The following EYS variants were observed in gnomAD, a reference collection of about 807,000 sequenced individuals.
EYS encodes EGF-like photoreceptor maintenance factor.
In EYS, 250 loss-of-function variants were observed where a neutral mutation model predicts 282.1. The observed-to-expected ratio is 0.89, with a 90% CI of 0.80 to 0.98. The LOEUF (loss-of-function observed/expected upper bound fraction) is 0.98. EYS is among the 50% of genes least tolerant of loss of function. The pLI is 0.00. For missense variants in EYS, 4,016 were observed against 3,709.0 expected, an observed-to-expected ratio of 1.08 and a Z score of -2.15; for synonymous variants, 1,355 against 1,282.9, an observed-to-expected ratio of 1.06 and a Z score of -1.20.
rs201208320 is a variant in EYS at position 64,000,967 on chromosome 6, C to CA, written c.6726-1785dup. 3.4e-4 allele frequency among the ~76,000 whole-genome samples: 52 copies of CA among 151,796 alleles called. 1 individual carries two copies. In the East Asian group the frequency reaches 9.3e-3, roughly 27 times the overall value. On this transcript the variant is annotated intron_variant, in intron 33 of 42. Transcript: ENST00000503581. ...TCCTGCCAAATTGTGTCATAAGAAA[C>CA]AAAAAAAACTCTATAAACAAATGAG... is the stretch of plus-strand genomic sequence containing the variant.
intron 26 of EYS, among the ~76,000 whole-genome samples, chr6:64,463,231 G>T (rs577001621): frequency 6.6e-6 from 1 of 152,092 alleles, no homozygotes; most frequent in East Asian, 1.9e-4. Flanking sequence ...GATTACAGGC[G>T]TGAGCCACTG....
intron 12 of EYS, among the ~76,000 whole-genome samples, chr6:65,202,907 C>G (rs1318784293): frequency 6.6e-6 from 1 of 152,150 alleles, no homozygotes; most frequent in African/African-American, 2.4e-5. Flanking sequence ...GGAGGGTCGT[C>G]CATGAGGCCT....
chr6:65,660,478 A>T (rs1048923119), intron 1 of EYS, among the ~76,000 whole-genome samples: 2 of 151,768 alleles, frequency 1.3e-5, no homozygotes, highest in Non-Finnish European at 3.0e-5. Context: ...TTAATGTTTA[A>T]TTTATATAAC....
At chr6:64,246,935 T>TA (rs1767042304) in intron 30 of EYS, among the ~76,000 whole-genome samples, 2 of 152,206 alleles carry the variant, frequency 1.3e-5, no homozygotes, top group Non-Finnish European at 2.9e-5. Flanking sequence ...TGACTAATGC[T>TA]ATATTTTTAC....
chr6:64,518,615 T>G (rs558157897), intron 26 of EYS, among the ~76,000 whole-genome samples: 1 of 151,662 alleles, frequency 6.6e-6, no homozygotes, highest in Non-Finnish European at 1.5e-5. Context: ...GGGAATGATA[T>G]GGTTTGGCTG....
At chr6:65,300,752 T>G (rs541668075) in intron 11 of EYS, 203 of 152,390 alleles carry the variant, frequency 1.3e-3, no homozygotes, top group African/African-American at 4.5e-3. Flanking sequence ...TCTCAGAGTC[T>G]GTATTCTTTT....
intron 31 of EYS, among the ~76,000 whole-genome samples, chr6:64,179,537 G>A (rs1034708070): frequency 3.9e-5 from 6 of 152,030 alleles, no homozygotes; most frequent in Admixed American, 3.3e-4. Context: ...ATGTAATCAA[G>A]CACAGTAAGA....
intron 5 of EYS, among the ~76,000 whole-genome samples, chr6:65,483,733 A>ACT (rs1027599546): frequency 9.2e-5 from 14 of 152,238 alleles, no homozygotes; most frequent in Non-Finnish European, 1.8e-4. Flanking sequence ...GACATACCTG[A>ACT]GAATGGGCAA....
At chr6:65,089,225 G>T (rs184530712) in intron 12 of EYS, among the ~76,000 whole-genome samples, 3 of 152,198 alleles carry the variant, frequency 2.0e-5, no homozygotes, top group African/African-American at 7.2e-5. Flanking sequence ...CCCCAGAATG[G>T]TAGATCCACC....
intron 2 of EYS, among the ~76,000 whole-genome samples, chr6:65,569,008 G>A (rs921662420): frequency 6.6e-6 from 1 of 152,126 alleles, no homozygotes; most frequent in Non-Finnish European, 1.5e-5. Flanking sequence ...TTGAGACAAC[G>A]ATGATAACTG....
At chr6:65,548,752 A>G (rs1768488080) in intron 2 of EYS, among the ~76,000 whole-genome samples, 1 of 152,202 alleles carries the variant, frequency 6.6e-6, no homozygotes, top group Non-Finnish European at 1.5e-5. Flanking sequence ...TGAGTATTAA[A>G]CCCACCCTAT....
chr6:65,700,142 A>G (rs9360143), intron 1 of EYS, among the ~76,000 whole-genome samples: 6,820 of 143,314 alleles, frequency 0.048, 419 homozygotes, highest in East Asian at 0.31. Context: ...AAAAAAAACT[A>G]TATTAAAACA....
At chr6:64,500,028 G>A in intron 26 of EYS, among the ~76,000 whole-genome samples, 1 of 151,698 alleles carries the variant, frequency 6.6e-6, no homozygotes, top group East Asian at 1.9e-4. Flanking sequence ...ATCAAGTAAA[G>A]GAAACAAATT....
chr6:64,239,103 T>C (rs1256279839), intron 30 of EYS, among the ~76,000 whole-genome samples: 1 of 152,236 alleles, frequency 6.6e-6, no homozygotes, highest in Non-Finnish European at 1.5e-5. Context: ...TATGGCTGCA[T>C]TGTATTCCAT....
intron 12 of EYS, among the ~76,000 whole-genome samples, chr6:65,275,946 C>T (rs970343146): frequency 1.3e-5 from 2 of 152,130 alleles, no homozygotes; most frequent in Non-Finnish European, 2.9e-5. Context: ...TACCTTATCA[C>T]CATCATGGTA....
intron 14 of EYS, among the ~76,000 whole-genome samples, chr6:64,962,864 A>G (rs979113291): frequency 6.6e-6 from 1 of 152,182 alleles, no homozygotes; most frequent in Non-Finnish European, 1.5e-5. Flanking sequence ...GGTGGTATAA[A>G]CATTTGTATC....
At chr6:64,273,565 A>G (rs1380634172) in intron 30 of EYS, among the ~76,000 whole-genome samples, 2 of 151,962 alleles carry the variant, frequency 1.3e-5, no homozygotes, top group Non-Finnish European at 1.5e-5. Flanking sequence ...TTTGAGGACT[A>G]CTATCCTAAG....
intron 1 of EYS, among the ~76,000 whole-genome samples, chr6:65,679,377 C>T (rs965533289): frequency 6.6e-6 from 1 of 151,894 alleles, no homozygotes; most frequent in African/African-American, 2.4e-5. Flanking sequence ...GAAGGAAGTC[C>T]TGTCATCTGT....
chr6:63,720,423 ACAAT>A lies in EYS; in HGVS notation c.*169_*172del, dbSNP rs957614897. ...TACAGATAAATTAGATGTAGGAAAA[ACAAT>A]CAGAACCTTCAGTGACATTTTACAA... On this transcript the variant is annotated 3_prime_UTR_variant, in exon 43 of 43. Coordinates refer to ENST00000503581, the MANE Select transcript of EYS (RefSeq NM_001142800.2). 28 of 541,526 alleles carry A rather than the reference ACAAT, an allele frequency of 5.2e-5. No individual in the cohort carries two copies. The highest frequency in any genetic ancestry group is 7.5e-5 in the Non-Finnish European group (24 of 319,196). The allele number at this position is 541,526 out of a possible 1,614,324, so 33.5% of individuals were successfully genotyped here.
Sources: gnomAD v4.1 joint callset for allele counts (sites outside exome capture counted in the v4.1 genomes callset) on GRCh38, gnomAD v4.1.1 for gene constraint, MANE v1.5 for transcripts, NCBI Gene and HGNC (gene_info 2026-07-23, HGNC 2026-07-21) for gene names.